Variants in AFF2 observed in about 807,000 individuals in gnomAD.
The protein encoded by AFF2 is AF4/FMR2 family member 2.
AFF2 carries 14 observed loss-of-function variants against 76.9 expected under a neutral mutation model. The observed-to-expected ratio is 0.18, with a 90% CI of 0.12 to 0.28. The LOEUF is 0.28. Among genes scored for constraint, AFF2 ranks in the 10% least tolerant of loss-of-function variants. The probability of loss-of-function intolerance (pLI) is 1.00; values close to 1 mark genes in which losing one functional copy is unlikely to be tolerated. For synonymous variants in AFF2, 398 were observed against 366.7 expected (o/e 1.09, Z -0.98); for missense variants, 868 against 1,001.1 (o/e 0.87, Z 1.79).
intron 1 of AFF2, among the ~76,000 whole-genome samples, chrX:148,560,639 C>T (rs1193817353): frequency 8.9e-6 from 1 of 111,839 alleles, no homozygotes; most frequent in Admixed American, 9.5e-5. Flanking sequence ...ATTCATCTAA[C>T]AAACAGCTAA....
chrX:148,990,604 C>G (rs1039751364), intron 20 of AFF2, among the ~76,000 whole-genome samples: 134 of 112,452 alleles, frequency 1.2e-3, no homozygotes, highest in African/African-American at 4.3e-3. Flanking sequence ...GCTGGGCATT[C>G]TTACCATTAA....
At chrX:148,794,265 T>A (rs1264579656) in intron 3 of AFF2, among the ~76,000 whole-genome samples, 1 of 112,235 alleles carries the variant, frequency 8.9e-6, no homozygotes, top group African/African-American at 3.2e-5. Context: ...CTGCCTTCAT[T>A]CCAGCCTTGT....
At chrX:148,848,450 C>G (rs782457518) in intron 7 of AFF2, among the ~76,000 whole-genome samples, 1 of 112,033 alleles carries the variant, frequency 8.9e-6, no homozygotes, top group African/African-American at 3.2e-5. Context: ...TTTACCAAAG[C>G]CTTCATCACT....
At chrX:148,561,205 A>G (rs1207012854) in intron 1 of AFF2, among the ~76,000 whole-genome samples, 1 of 112,295 alleles carries the variant, frequency 8.9e-6, no homozygotes, top group African/African-American at 3.2e-5. Flanking sequence ...ATAACATTTG[A>G]GATTTCTTTT....
chrX:148,971,047 A>G (rs187344412), intron 15 of AFF2, among the ~76,000 whole-genome samples: 211 of 110,440 alleles, frequency 1.9e-3, no homozygotes, highest in Non-Finnish European at 3.2e-3. Context: ...CAAACCACAT[A>G]TGATACCCTG....
chrX:148,665,880 G>A (rs2054353992), intron 3 of AFF2, among the ~76,000 whole-genome samples: 1 of 111,894 alleles, frequency 8.9e-6, no homozygotes, highest in African/African-American at 3.3e-5. Context: ...TATCCGTGGA[G>A]CAATCACAGT....
intron 4 of AFF2, among the ~76,000 whole-genome samples, chrX:148,827,521 G>A (rs190967998): frequency 1.8e-5 from 2 of 111,812 alleles, no homozygotes; most frequent in African/African-American, 3.2e-5. Context: ...TTCACTTATA[G>A]CATAAGCTGG....
chrX:148,531,187 C>A (rs1328651356), intron 1 of AFF2, among the ~76,000 whole-genome samples: 1 of 111,709 alleles, frequency 9.0e-6, no homozygotes, highest in South Asian at 3.7e-4. Context: ...CTTCCCCATC[C>A]CCCATCTGAC....
At chrX:148,614,733 C>CT (rs1569552163) in intron 1 of AFF2, among the ~76,000 whole-genome samples, 887 of 49,077 alleles carry the variant, frequency 0.018, 8 homozygotes, top group Non-Finnish European at 0.026. Context: ...TTCTTTCTTT[C>CT]CTTCTTTTCT....
chrX:148,953,420 A>G (rs1357022354), intron 9 of AFF2, among the ~76,000 whole-genome samples, 160 bp from the exon 10 acceptor site: 1 of 111,927 alleles, frequency 8.9e-6, no homozygotes, highest in Non-Finnish European at 1.9e-5. Context: ...TGGGCCAGTC[A>G]CTGGGCCTCC....
At chrX:148,662,922 C>T (rs1362142139) in intron 3 of AFF2, among the ~76,000 whole-genome samples, 154 bp downstream of exon 3, 3 of 112,108 alleles carry the variant, frequency 2.7e-5, no homozygotes, top group Admixed American at 9.4e-5. Context: ...TCTTCTGTCA[C>T]TTGTGACATA....
chrX:148,908,360 C>G (rs1350309496), intron 9 of AFF2, among the ~76,000 whole-genome samples: 1 of 112,182 alleles, frequency 8.9e-6, no homozygotes, highest in East Asian at 2.8e-4. Flanking sequence ...GCAGTAAAGA[C>G]AGGCGTAAGA....
At chrX:148,792,651 T>A (rs1335772076) in intron 3 of AFF2, among the ~76,000 whole-genome samples, 1 of 112,120 alleles carries the variant, frequency 8.9e-6, no homozygotes, top group Non-Finnish European at 1.9e-5. Flanking sequence ...CTGTGTGCCC[T>A]GGAGGCATTT....
chrX:148,814,267 A>G (rs1405943237), intron 4 of AFF2, among the ~76,000 whole-genome samples: 2 of 111,831 alleles, frequency 1.8e-5, no homozygotes, highest in South Asian at 3.7e-4. Flanking sequence ...TTTCTGGAAG[A>G]GTTAAGACAA....
chrX:148,998,341 A>G lies in AFF2; in HGVS notation c.*7009A>G, dbSNP rs1557293643. On this transcript the variant is annotated 3_prime_UTR_variant, in exon 21 of 21. Transcript: ENST00000370460. ...TTTCTCTTTCCAAACAAATAGTTAA[A>G]TTAAATGTGAGCTTCTGAATTGTAC... 8.9e-6 allele frequency: 1 copy of G among 111,829 alleles called. No homozygotes were observed. Among genetic ancestry groups the G allele is most frequent in the African/African-American group, 3.3e-5 (1 of 30,662 alleles). 9.2% of individuals were successfully genotyped at this position (111,829 alleles called of 1,213,427 possible). A position where few individuals can be genotyped will look rare whatever the true frequency, so the allele number is the denominator to read the frequency against.
Position 148,956,532 on chromosome X carries a change from G to C in AFF2, c.2487G>C (p.Lys829Asn). Reference protein sequence around the residue: ...LHAAPAKPDHKETATKPKRQT... With the variant: ...LHAAPAKPDHNETATKPKRQT... ...CAGCACCTGCCAAGCCAGACCACAA[G>C]GAGACTGCCACAAAACCCAAGCGTC... The change falls in exon 11 of 21, where the codon AAG becomes AAC. Residue 829 changes from lysine to asparagine, a missense_variant. By Grantham distance (94) the Lys-to-Asn change is moderately conservative. Around this residue, in one of 6 missense-constraint regions of AFF2, gnomAD observed 532 missense variants for 564.2 expected, o/e 0.94. Coordinates refer to ENST00000370460, the MANE Select transcript of AFF2 (RefSeq NM_002025.4). 8.3e-7 allele frequency: 1 copy of C among 1,211,937 alleles called. No individual in the cohort carries two copies. Among genetic ancestry groups the C allele is most frequent in the African/African-American group, 1.7e-5 (1 of 57,858 alleles).
intron 6 of AFF2, 138 bp from the exon 7 acceptor site, chrX:148,843,244 C>CAG: frequency 1.9e-6 from 1 of 531,677 alleles, no homozygotes; most frequent in Non-Finnish European, 3.0e-6. Flanking sequence ...ACTGGTTCCC[C>CAG]CCCTTTTTTT....
intron 18 of AFF2, 72 bp from the exon 19 acceptor site, chrX:148,980,666 C>T (rs782730359): frequency 3.5e-5 from 30 of 860,346 alleles, no homozygotes; most frequent in Non-Finnish European, 4.5e-5. Context: ...AATCACACTT[C>T]CATCTGTTTC....
intron 3 of AFF2, among the ~76,000 whole-genome samples, chrX:148,769,538 C>A (rs145820529): frequency 4.3e-4 from 48 of 111,672 alleles, no homozygotes; most frequent in African/African-American, 1.5e-3. Context: ...CTGGGAAGCT[C>A]AGTTAGAAAT....
Sources: gnomAD v4.1 joint callset for allele counts (sites outside exome capture counted in the v4.1 genomes callset) on GRCh38, gnomAD v4.1.1 for gene constraint, gnomAD v4.1.1 regional missense constraint, MANE v1.5 for transcripts, NCBI Gene and HGNC (gene_info 2026-07-23, HGNC 2026-07-21) for gene names.